ACE: variants seen among roughly 807,000 people sequenced by gnomAD.
ACE encodes the protein angiotensin-converting enzyme.
Under a neutral mutation model 162.3 loss-of-function variants are expected in ACE, and 122 were observed. The ratio of observed to expected loss-of-function variants is 0.75; its 90% CI spans 0.65 to 0.87. The LOEUF (loss-of-function observed/expected upper bound fraction) is 0.87. ACE is among the 40% of genes least tolerant of loss of function. The pLI, the probability that ACE is intolerant of heterozygous loss-of-function variation, is 0.00. For missense variants in ACE, 1,799 were observed against 1,735.1 expected (o/e 1.04, Z -0.65); for synonymous variants, 796 against 720.6 (o/e 1.10, Z -1.68).
intron 15 of ACE, among the ~76,000 whole-genome samples, chr17:63,487,506 A>C (rs1213879121): frequency 6.6e-6 from 1 of 152,080 alleles, no homozygotes; most frequent in African/African-American, 2.4e-5. Context: ...TGTGACTGAT[A>C]AGGAAATTGA....
At chr17:63,479,748 C>A in intron 3 of ACE, 21 bp from the exon 4 acceptor site, 2 of 1,612,808 alleles carry the variant, frequency 1.2e-6, no homozygotes, top group Non-Finnish European at 1.7e-6. Flanking sequence ...TCCTCACCGA[C>A]CCTGCCTGCC....
intron 13 of ACE, chr17:63,486,273 A>G: frequency 2.0e-6 from 1 of 510,052 alleles, no homozygotes; most frequent in Non-Finnish European, 3.6e-6. Flanking sequence ...AGCTAATACC[A>G]AGCTGGCTCC....
intron 7 of ACE, 69 bp from the exon 8 acceptor site, chr17:63,482,397 G>T (rs2049724846): frequency 4.2e-6 from 6 of 1,431,464 alleles, no homozygotes; most frequent in Non-Finnish European, 5.8e-6. Flanking sequence ...GTGCCAATCT[G>T]CCCTGTGCCC....
Position 63,496,877 on chromosome 17 carries a change from T to C in ACE, c.3583T>C (p.Ser1195Pro), listed in dbSNP as rs1343107612. ...LITGQPNMSA[S>P]AMLSYFKPLL... ...CACGGGCCAGCCCAACATGAGCGCCTCGGCCATGTTGAGCTACTTCAAGCC... is the reference window on the plus strand; with the variant it reads ...CACGGGCCAGCCCAACATGAGCGCCCCGGCCATGTTGAGCTACTTCAAGCC... Residue 1195 changes from serine (S) to proline (P), a missense_variant, in exon 24 of 25, where the codon TCG becomes CCG. Transcript: ENST00000290866. 6.2e-7 allele frequency: 1 copy of C among 1,613,604 alleles called. No individual in the cohort carries two copies.
In ACE at chr17:63,483,099, G is replaced by A; in HGVS notation, c.1413G>A (p.Val471=). The change falls in exon 9 of 25, where the codon GTG becomes GTA. Residue 471 remains valine (V), a synonymous_variant. Transcript: ENST00000290866. The part of the protein sequence containing the change: ...KIAFLPFGYL[V]DQWRWGVFSG... ...CCTTCCTGCCCTTTGGCTACTTGGT[G>A]GACCAGTGGCGCTGGGGGGTCTTTA... is the stretch of plus-strand genomic sequence containing the variant. 1 of 1,614,208 alleles carries A rather than the reference G, an allele frequency of 6.2e-7. No individual in the cohort carries two copies. The highest frequency in any genetic ancestry group is 8.5e-7 in the Non-Finnish European group (1 of 1,180,036).
rs776725449 is a variant in ACE at position 63,485,219 on chromosome 17, T to C, written c.1922-17T>C. ...GGAGGCAGAGGTTTGTCTGTTTCCCTGCACTCTGTCCCACAGACCTGGTGA... is the reference window on the plus strand; with the variant it reads ...GGAGGCAGAGGTTTGTCTGTTTCCCCGCACTCTGTCCCACAGACCTGGTGA... On this transcript the variant is annotated splice_polypyrimidine_tract_variant and intron_variant, in intron 12 of 24. Coordinates refer to ENST00000290866, the MANE Select transcript of ACE (RefSeq NM_000789.4). The C allele has an allele frequency of 6.2e-7, 1 of 1,613,990 alleles. No homozygotes were observed. Among genetic ancestry groups the C allele is most frequent in the Non-Finnish European group, 8.5e-7 (1 of 1,180,010 alleles).
intron 13 of ACE, chr17:63,485,663 T>C (rs2029887320): frequency 5.2e-6 from 2 of 384,810 alleles, no homozygotes; most frequent in Admixed American, 6.9e-5. Flanking sequence ...GTAGTCCCAG[T>C]ACTCAGGAGG....
intron 8 of ACE, 109 bp downstream of exon 8, chr17:63,482,798 C>A: frequency 7.8e-7 from 1 of 1,283,456 alleles, no homozygotes; most frequent in Non-Finnish European, 1.1e-6. Context: ...TGCCTCCCGG[C>A]CCCAGGTCAG....
chr17:63,491,071 C>T lies in ACE; in HGVS notation c.2739+20C>T. The T allele has an allele frequency of 6.2e-7, 1 of 1,613,768 alleles. No homozygotes were observed. On this transcript the variant is annotated intron_variant, in intron 18 of 24. Transcript: ENST00000290866. This position sits in a 1 kb window ranked among gnomAD's most constrained non-coding sequence, Gnocchi z 4.4. ...AAGCAGGTCCGCACCAGCCCAGGGG[C>T]AGGGAGGCCCCGCCGGGATGGGAGG...
intron 3 of ACE, 126 bp from the exon 4 acceptor site, chr17:63,479,643 C>G: frequency 7.5e-7 from 1 of 1,325,858 alleles, no homozygotes; most frequent in Non-Finnish European, 1.1e-6. Context: ...TGGCCCCTGT[C>G]TCTGGGGGCA....
intron 2 of ACE, 106 bp from the exon 3 acceptor site, chr17:63,478,901 T>C (rs2049661383): frequency 1.1e-6 from 1 of 948,254 alleles, no homozygotes; most frequent in Non-Finnish European, 1.7e-6. Context: ...CTGAGTGGCC[T>C]TGTCCAAGCT....
At chr17:63,477,767 G>A in intron 1 of ACE, 164 bp from the exon 2 acceptor site, 1 of 788,694 alleles carries the variant, frequency 1.3e-6, no homozygotes. Context: ...CCAGAAGGAG[G>A]AAGCGCGGCT....
chr17:63,485,443 A>C (rs764827325), intron 13 of ACE, 71 bp downstream of exon 13: 2 of 1,585,420 alleles, frequency 1.3e-6, no homozygotes. Flanking sequence ...CGCTCACCAC[A>C]CAGTGGGGCT....
intron 22 of ACE, among the ~76,000 whole-genome samples, chr17:63,495,669 C>A (rs766783830): frequency 3.3e-5 from 5 of 152,216 alleles, no homozygotes; most frequent in Non-Finnish European, 5.9e-5. Context: ...GGCTCTCACC[C>A]GGGAGCCAGC....
At chr17:63,486,062 G>A (rs1180232449) in intron 13 of ACE, among the ~76,000 whole-genome samples, 1 of 152,096 alleles carries the variant, frequency 6.6e-6, no homozygotes, top group Admixed American at 6.5e-5. Context: ...TCTACAAAAG[G>A]GGCTACACTT....
At chr17:63,481,862 G>C in intron 7 of ACE, 124 bp downstream of exon 7, 1 of 1,303,494 alleles carries the variant, frequency 7.7e-7, no homozygotes, top group Non-Finnish European at 1.1e-6. Context: ...GCACTGGTTG[G>C]AGGCTGGGTC....
intron 2 of ACE, 193 bp downstream of exon 2, chr17:63,478,291 T>C: frequency 2.8e-6 from 2 of 726,670 alleles, no homozygotes; most frequent in Non-Finnish European, 4.4e-6. Flanking sequence ...GGGAGTTACT[T>C]TCTGTTAAAG....
In ACE at chr17:63,497,589, T is replaced by C. The variant is rs1402668233; in HGVS notation, c.*223T>C. The C allele has an allele frequency of 2.9e-6, 2 of 700,900 alleles. No individual in the cohort carries two copies. Among genetic ancestry groups the C allele is most frequent in the Admixed American group, 4.0e-5 (2 of 49,906 alleles). 43.4% of individuals were successfully genotyped at this position (700,900 alleles called of 1,614,324 possible). Reference sequence around the variant, plus strand: ...TGAGCCCCACCTCTCCAAGTCTCTCTGTGAATACAATTAAAGGTCCTGCCC... The same window carrying C: ...TGAGCCCCACCTCTCCAAGTCTCTCCGTGAATACAATTAAAGGTCCTGCCC... On this transcript the variant is annotated 3_prime_UTR_variant, in exon 25 of 25. Transcript: ENST00000290866.
Position 63,484,756 on chromosome 17 carries a change from G to A in ACE, c.1921+215G>A, listed in dbSNP as rs371350333. On this transcript the variant is annotated intron_variant, in intron 12 of 24. Coordinates refer to ENST00000290866, the MANE Select transcript of ACE (RefSeq NM_000789.4). The surrounding 1 kb of genome is among the most constrained non-coding windows in gnomAD (Gnocchi z 4.0). ...TAGAGAGGGTGTGCTCAGACCTGAG[G>A]GCCCCTCCCCTTCCAGAGGAAGCCA... 2.7e-5 allele frequency: 40 copies of A among 1,469,432 alleles called. 1 individual carries two copies. Among genetic ancestry groups the A allele is most frequent in the East Asian group, 2.5e-4 (10 of 40,418 alleles). The allele number at this position is 1,469,432 out of a possible 1,614,324, so 91.0% of individuals were successfully genotyped here. A position where few individuals can be genotyped will look rare whatever the true frequency, so the allele number is the denominator to read the frequency against.
Sources: gnomAD v4.1 joint callset for allele counts (sites outside exome capture counted in the v4.1 genomes callset) on GRCh38, gnomAD v4.1.1 for gene constraint, Gnocchi (gnomAD v3.1) non-coding constraint, MANE v1.5 for transcripts, NCBI Gene and HGNC (gene_info 2026-07-23, HGNC 2026-07-21) for gene names.